Variants in CSMD1 observed in about 807,000 individuals in gnomAD.
The protein encoded by CSMD1 is CUB and sushi domain-containing protein 1.
Under a neutral mutation model 417.5 loss-of-function variants are expected in CSMD1, and 213 were observed. The observed-to-expected ratio is 0.51, with a 90% CI of 0.46 to 0.57. The LOEUF is 0.57. CSMD1 is among the 20% of genes least tolerant of loss of function. The pLI, the probability that CSMD1 is intolerant of heterozygous loss-of-function variation, is 0.00. For synonymous variants in CSMD1, 2,862 were observed against 1,736.8 expected, an observed-to-expected ratio of 1.65 and a Z score of -16.11; for missense variants, 6,923 against 4,529.7, an observed-to-expected ratio of 1.53 and a Z score of -15.17.
Position 4,077,283 on chromosome 8 carries a change from A to G in CSMD1, c.416-45184T>C, listed in dbSNP as rs867747132. Among the ~76,000 whole-genome samples, 253 of 105,572 alleles carry G rather than the reference A, an allele frequency of 2.4e-3. 2 individuals carry two copies. The highest frequency in any genetic ancestry group is 7.9e-3 in the African/African-American group (240 of 30,544). The allele number at this position is 105,572 out of a possible 152,430, so 69.3% of individuals were successfully genotyped here. ...CTGTAAAAGCCCATTTGTCACCTATATATATATATATGTGTATATATATAT... is the reference window on the plus strand; with the variant it reads ...CTGTAAAAGCCCATTTGTCACCTATGTATATATATATGTGTATATATATAT... On this transcript the variant is annotated intron_variant, in intron 3 of 69. Coordinates refer to ENST00000635120, the MANE Select transcript of CSMD1 (RefSeq NM_033225.6).
chr8:3,296,073 G>C (rs1002551003), intron 25 of CSMD1, among the ~76,000 whole-genome samples: 9 of 151,996 alleles, frequency 5.9e-5, no homozygotes, highest in African/African-American at 1.7e-4. Context: ...GAAGAATATG[G>C]AATGTTAGTA....
intron 23 of CSMD1, 101 bp from the exon 24 acceptor site, chr8:3,308,604 T>C: frequency 1.1e-6 from 1 of 882,904 alleles, no homozygotes; most frequent in Non-Finnish European, 1.7e-6. Context: ...CCTTGAAGGG[T>C]AGGGAGAAAA....
At chr8:4,738,587 G>T (rs1341116554) in intron 1 of CSMD1, among the ~76,000 whole-genome samples, 1 of 151,950 alleles carries the variant, frequency 6.6e-6, no homozygotes, top group Non-Finnish European at 1.5e-5. Context: ...GGGACACAAA[G>T]CCTAACTATA....
intron 46 of CSMD1, among the ~76,000 whole-genome samples, chr8:3,101,799 C>CTTTTTT (rs530061255): frequency 8.5e-5 from 9 of 106,348 alleles, no homozygotes; most frequent in Admixed American, 1.1e-4. Context: ...CTTTCTTTTT[C>CTTTTTT]TTTTTTTTTT....
chr8:3,600,671 C>T (rs1035658805), intron 8 of CSMD1, among the ~76,000 whole-genome samples: 2 of 152,120 alleles, frequency 1.3e-5, no homozygotes, highest in East Asian at 1.9e-4. Context: ...AAAACCATTG[C>T]TCTGGTCTAA....
At chr8:3,938,923 AAC>A (rs1360160254) in intron 5 of CSMD1, among the ~76,000 whole-genome samples, 1 of 152,154 alleles carries the variant, frequency 6.6e-6, no homozygotes, top group Admixed American at 6.6e-5. Context: ...ATCATTCTCA[AAC>A]ACAGTAACAT....
chr8:3,632,522 G>C (rs886263396), intron 7 of CSMD1, among the ~76,000 whole-genome samples: 2 of 152,182 alleles, frequency 1.3e-5, no homozygotes, highest in African/African-American at 4.8e-5. Flanking sequence ...CGTTGAAGAT[G>C]AGTATTGGTT....
rs370919801 is a variant in CSMD1, at chr8:4,861,064, G to C, written c.85+133268C>G. 5.3e-5 allele frequency among the ~76,000 whole-genome samples: 8 copies of C among 152,080 alleles called. No homozygotes were observed. The South Asian group carries it at 8.3e-4, about 16-fold the overall frequency. On this transcript the variant is annotated intron_variant, in intron 1 of 69. Coordinates refer to ENST00000635120, the MANE Select transcript of CSMD1 (RefSeq NM_033225.6). ...TCCTTTTCCTCTAAAAGCTCCTTTTGTTCTAAAGCTCCAGAATCTTATCTT... is the reference window on the plus strand; with the variant it reads ...TCCTTTTCCTCTAAAAGCTCCTTTTCTTCTAAAGCTCCAGAATCTTATCTT...
intron 3 of CSMD1, among the ~76,000 whole-genome samples, chr8:4,209,338 G>A (rs576965889): frequency 1.3e-5 from 2 of 152,138 alleles, no homozygotes; most frequent in African/African-American, 4.8e-5. Flanking sequence ...CAAACTCACA[G>A]GGACAGAAAG....
At chr8:4,272,026 T>G (rs985437483) in intron 3 of CSMD1, among the ~76,000 whole-genome samples, 2 of 152,176 alleles carry the variant, frequency 1.3e-5, no homozygotes, top group African/African-American at 4.8e-5. Flanking sequence ...CATCCATGTT[T>G]GGTTGAAAAA....
chr8:4,539,239 T>C (rs191454459), intron 2 of CSMD1, among the ~76,000 whole-genome samples: 1 of 152,318 alleles, frequency 6.6e-6, no homozygotes, highest in African/African-American at 2.4e-5. Context: ...AGACACTAAA[T>C]ATTGCATTCA....
intron 3 of CSMD1, among the ~76,000 whole-genome samples, chr8:4,267,969 C>G (rs1804326630): frequency 6.6e-6 from 1 of 152,004 alleles, no homozygotes; most frequent in African/African-American, 2.4e-5. Context: ...GATCTATTTT[C>G]TAGAGTCAGT....
chr8:3,127,376 A>G (rs191683816), intron 41 of CSMD1: 88 of 152,336 alleles, frequency 5.8e-4, no homozygotes, highest in African/African-American at 2.0e-3. Context: ...AAAAGGAATG[A>G]TGCAGTTTTA....
At chr8:3,855,667 T>G (rs753788275) in intron 5 of CSMD1, among the ~76,000 whole-genome samples, 4 of 152,146 alleles carry the variant, frequency 2.6e-5, no homozygotes, top group Non-Finnish European at 5.9e-5. Flanking sequence ...CTGACTTCAT[T>G]AATCATAACT....
intron 10 of CSMD1, among the ~76,000 whole-genome samples, chr8:3,516,895 T>C (rs1433978615): frequency 6.6e-6 from 1 of 152,174 alleles, no homozygotes; most frequent in Non-Finnish European, 1.5e-5. Flanking sequence ...GCAGCACAAT[T>C]CACAACTGCA....
intron 2 of CSMD1, among the ~76,000 whole-genome samples, chr8:4,600,415 A>T (rs1046503641): frequency 7.2e-5 from 11 of 152,184 alleles, no homozygotes; most frequent in Non-Finnish European, 1.6e-4. Context: ...CTACAGATGG[A>T]TATGTTCCTT....
chr8:4,023,769 TTTTTTTTTTTTTTTTG>T (rs1585152176), intron 4 of CSMD1, among the ~76,000 whole-genome samples: 1 of 115,912 alleles, frequency 8.6e-6, no homozygotes. Flanking sequence ...TTTTTTTTTT[TTTTTTTTTTTTTTTTG>T]TGTGTGTATT....
chr8:4,230,236 G>C (rs1337236129), intron 3 of CSMD1, among the ~76,000 whole-genome samples: 1 of 152,040 alleles, frequency 6.6e-6, no homozygotes, highest in East Asian at 1.9e-4. Flanking sequence ...TGTTTGTGTT[G>C]CTCTACAATA....
chr8:3,941,160 A>C (rs1257293891), intron 5 of CSMD1, among the ~76,000 whole-genome samples: 1 of 152,150 alleles, frequency 6.6e-6, no homozygotes, highest in Non-Finnish European at 1.5e-5. Flanking sequence ...AGCACATTTC[A>C]AAATAAAATA....
Sources: allele counts gnomAD v4.1 joint callset (sites outside exome capture counted in the v4.1 genomes callset), GRCh38; gene constraint gnomAD v4.1.1; transcripts MANE v1.5; gene names NCBI Gene and HGNC (gene_info 2026-07-23, HGNC 2026-07-21).